Variants in LRP12 observed in about 807,000 individuals in gnomAD.
LRP12 encodes LDL receptor related protein 12.
In LRP12, 14 loss-of-function variants were observed where a neutral mutation model predicts 66.0. The observed-to-expected ratio is 0.21, with a 90% CI of 0.14 to 0.33. The LOEUF (loss-of-function observed/expected upper bound fraction) is 0.33, where lower values mean the gene tolerates loss of function less well. LRP12 is among the 10% of genes least tolerant of loss of function. The probability of loss-of-function intolerance (pLI) is 1.00; values close to 1 mark genes in which losing one functional copy is unlikely to be tolerated. For missense variants in LRP12, 889 were observed against 1,053.4 expected (o/e 0.84, Z 2.16); for synonymous variants, 357 against 359.1 (o/e 0.99, Z 0.07).
intron 1 of LRP12, among the ~76,000 whole-genome samples, chr8:104,532,373 TA>T (rs34023849): frequency 5.4e-3 from 712 of 130,890 alleles, no homozygotes; most frequent in Admixed American, 5.6e-3. Context: ...TGTTGGTACT[TA>T]AAAAAAAAAA....
At chr8:104,578,503 T>C (rs1249524301) in intron 1 of LRP12, among the ~76,000 whole-genome samples, 1 of 152,110 alleles carries the variant, frequency 6.6e-6, no homozygotes, top group Non-Finnish European at 1.5e-5. Context: ...TTCAAAAAAA[T>C]TGAAGAGGAA....
At chr8:104,577,871 T>G (rs1395681966) in intron 1 of LRP12, among the ~76,000 whole-genome samples, 1 of 147,460 alleles carries the variant, frequency 6.8e-6, no homozygotes, top group African/African-American at 2.5e-5. Flanking sequence ...AGATACAACA[T>G]CCCAGAATCT....
chr8:104,502,384 T>C (rs984654980), intron 3 of LRP12, among the ~76,000 whole-genome samples: 2 of 152,224 alleles, frequency 1.3e-5, no homozygotes, highest in African/African-American at 2.4e-5. Flanking sequence ...GGAGTCTTCT[T>C]TAAGCACACA....
chr8:104,529,822 A>C (rs1811299497), intron 2 of LRP12, among the ~76,000 whole-genome samples: 1 of 152,220 alleles, frequency 6.6e-6, no homozygotes, highest in Non-Finnish European at 1.5e-5. Context: ...AACCTTAAAG[A>C]AACTACCTCG....
chr8:104,542,996 T>A (rs1259390514), intron 1 of LRP12, among the ~76,000 whole-genome samples: 3 of 145,706 alleles, frequency 2.1e-5, no homozygotes, highest in African/African-American at 5.1e-5. Context: ...CACACACAAA[T>A]ATATATATAT....
At chr8:104,510,047 T>C (rs1419799703) in intron 2 of LRP12, among the ~76,000 whole-genome samples, 1 of 152,242 alleles carries the variant, frequency 6.6e-6, no homozygotes, top group East Asian at 1.9e-4. Context: ...CCATGGAGAC[T>C]GATCTATCCA....
chr8:104,496,449 T>A (rs1347735973), intron 5 of LRP12, among the ~76,000 whole-genome samples: 1 of 152,204 alleles, frequency 6.6e-6, no homozygotes, highest in Non-Finnish European at 1.5e-5. Context: ...AAAGCCTTTC[T>A]GCCTCTCTCC....
In LRP12 at chr8:104,497,379, C is replaced by T. The variant is rs1810747240; in HGVS notation, c.1173G>A (p.Glu391=). 6.2e-7 allele frequency: 1 copy of T among 1,613,830 alleles called. No individual in the cohort carries two copies. Among genetic ancestry groups the T allele is most frequent in the African/African-American group, 1.3e-5 (1 of 74,916 alleles). ...PCGGNWGCYT[E]QQRCDGYWHC... ...GCCAATACCCATCACAACGCTGCTG[C>T]TCAGTATAACACCCCCAGTTACCTC... The change falls in exon 5 of 7, where the codon GAG becomes GAA. Residue 391 remains glutamate, a synonymous_variant. Coordinates refer to ENST00000276654, the MANE Select transcript of LRP12 (RefSeq NM_013437.5). The surrounding 1 kb of genome is among the most constrained non-coding windows in gnomAD (Gnocchi z 4.3).
chr8:104,588,202 G>A (rs1588515262), intron 1 of LRP12, among the ~76,000 whole-genome samples: 3 of 152,298 alleles, frequency 2.0e-5, no homozygotes, highest in South Asian at 4.2e-4. Context: ...AGGTGGGGCT[G>A]GAAACTATTT....
intron 1 of LRP12, among the ~76,000 whole-genome samples, chr8:104,549,527 C>T (rs899204183): frequency 9.2e-5 from 14 of 151,780 alleles, no homozygotes; most frequent in African/African-American, 3.1e-4. Context: ...CTCAGCCTCC[C>T]AAGTAGCTGG....
At position 104,490,427 on chromosome 8, in the gene LRP12, A is replaced by C. The variant is rs1253604889; in HGVS notation, c.*246T>G. 9.7e-6 allele frequency: 4 copies of C among 414,390 alleles called. No homozygotes were observed. The highest frequency in any genetic ancestry group is 8.2e-5 in the African/African-American group (4 of 48,678). 25.7% of individuals were successfully genotyped at this position (414,390 alleles called of 1,614,324 possible). A position where few individuals can be genotyped will look rare whatever the true frequency, so the allele number is the denominator to read the frequency against. On this transcript the variant is annotated 3_prime_UTR_variant, in exon 7 of 7. Coordinates refer to ENST00000276654, the MANE Select transcript of LRP12 (RefSeq NM_013437.5). ...CTACAGTATCAGGATGAAAACAATC[A>C]GAAACAAATGAAAGGACATTATTGA...
intron 1 of LRP12, among the ~76,000 whole-genome samples, chr8:104,564,789 T>G (rs1457189252): frequency 6.6e-6 from 1 of 151,782 alleles, no homozygotes; most frequent in Non-Finnish European, 1.5e-5. Context: ...AAAAATTAGC[T>G]GGGCATGGTG....
Position 104,589,000 on chromosome 8 carries a change from A to C in LRP12, c.-103T>G, listed in dbSNP as rs180979671. 7.5e-3 allele frequency: 3,651 copies of C among 483,704 alleles called. 69 individuals are homozygous for C. The highest frequency in any genetic ancestry group is 0.057 in the African/African-American group (2,397 of 41,708). 30.0% of individuals were successfully genotyped at this position (483,704 alleles called of 1,614,324 possible). On this transcript the variant is annotated 5_prime_UTR_variant, in exon 1 of 7. Coordinates refer to ENST00000276654, the MANE Select transcript of LRP12 (RefSeq NM_013437.5). ...GCCGCCGCCGCCGCCGCCGCCGCCG[A>C]GCCACCGGCTGCTCCCTGCGCTCTC...
rs1485940083 is a variant in LRP12, at chr8:104,491,027, A to G, written c.2226T>C (p.Phe742=). The change falls in exon 7 of 7, where the codon TTT becomes TTC. Residue 742 remains phenylalanine, a synonymous_variant. Transcript: ENST00000276654. ...RMTQGLRWVR[F]TLGRSSSLSQ... The stretch of plus-strand genomic sequence containing the variant: ...TTAGGGAACTTGATCGTCCTAATGT[A>G]AAACGTACCCAGCGTAGCCCCTGAG... The G allele has an allele frequency of 6.2e-7, 1 of 1,614,142 alleles. No homozygotes were observed. The highest frequency in any genetic ancestry group is 1.1e-5 in the South Asian group (1 of 91,080).
chr8:104,496,867 C>T, intron 5 of LRP12, 105 bp downstream of exon 5: 1 of 1,126,956 alleles, frequency 8.9e-7, no homozygotes, highest in South Asian at 2.9e-5. Context: ...TATCCATTTT[C>T]TAAACTAATA....
chr8:104,549,503 T>A (rs948669615), intron 1 of LRP12, among the ~76,000 whole-genome samples: 1 of 148,900 alleles, frequency 6.7e-6, no homozygotes. Context: ...CCCGGGTTCA[T>A]GCCATTCTCC....
Position 104,497,364 on chromosome 8 carries a change from A to G in LRP12, c.1188T>C (p.Asp396=). The G allele has an allele frequency of 6.2e-7, 1 of 1,614,060 alleles. No homozygotes were observed. Among genetic ancestry groups the G allele is most frequent in the Non-Finnish European group, 8.5e-7 (1 of 1,179,990 alleles). ...TTCCATTTGGGCAATGCCAATACCC[A>G]TCACAACGCTGCTGCTCAGTATAAC... ...WGCYTEQQRC[D]GYWHCPNGRD... The change falls in exon 5 of 7, where the codon GAT becomes GAC. Residue 396 remains aspartate (D), a synonymous_variant. Coordinates refer to ENST00000276654, the MANE Select transcript of LRP12 (RefSeq NM_013437.5). The surrounding 1 kb of genome is among the most constrained non-coding windows in gnomAD (Gnocchi z 4.3).
intron 1 of LRP12, among the ~76,000 whole-genome samples, chr8:104,553,416 T>C (rs1276257542): frequency 2.0e-5 from 3 of 151,782 alleles, no homozygotes; most frequent in Non-Finnish European, 4.4e-5. Flanking sequence ...ACGGTGGGAG[T>C]GAAACCGGCC....
rs1273947245 is a variant in LRP12 at position 104,508,934 on chromosome 8, A to C, written c.272+5T>G. The C allele has an allele frequency of 6.2e-7, 1 of 1,607,084 alleles. No individual in the cohort carries two copies. The highest frequency in any genetic ancestry group is 1.7e-5 in the Admixed American group (1 of 59,156). ...TTATATAGTAATACAGAAAGGTAGA[A>C]TTACCTTATAGTAATGATTTCGCCT... On this transcript the variant is annotated splice_donor_5th_base_variant and intron_variant, in intron 3 of 6. Coordinates refer to ENST00000276654, the MANE Select transcript of LRP12 (RefSeq NM_013437.5).
Sources: gnomAD v4.1 joint callset for allele counts (sites outside exome capture counted in the v4.1 genomes callset) on GRCh38, gnomAD v4.1.1 for gene constraint, Gnocchi (gnomAD v3.1) non-coding constraint, MANE v1.5 for transcripts, NCBI Gene and HGNC (gene_info 2026-07-23, HGNC 2026-07-21) for gene names.